Variants in ADAMTS16 observed in about 807,000 individuals in gnomAD.
The protein encoded by ADAMTS16 is ADAM metallopeptidase with thrombospondin type 1 motif 16, also known as A disintegrin and metalloproteinase with thrombospondin motifs 16.
A neutral mutation model predicts 145.8 loss-of-function variants in ADAMTS16; 94 were observed. The ratio of observed to expected loss-of-function variants is 0.64; its 90% CI spans 0.55 to 0.77. The LOEUF (loss-of-function observed/expected upper bound fraction) is 0.77. Among genes scored for constraint, ADAMTS16 ranks in the 30% least tolerant of loss-of-function variants. The probability of loss-of-function intolerance (pLI) is 0.00; values close to 1 mark genes in which losing one functional copy is unlikely to be tolerated. For missense variants in ADAMTS16, 1,585 were observed against 1,591.5 expected, an observed-to-expected ratio of 1.00 and a Z score of 0.07; for synonymous variants, 659 against 604.3, an observed-to-expected ratio of 1.09 and a Z score of -1.33.
At chr5:5,170,001 T>C (rs972789720) in intron 3 of ADAMTS16, among the ~76,000 whole-genome samples, 23 of 152,252 alleles carry the variant, frequency 1.5e-4, no homozygotes, top group Non-Finnish European at 3.1e-4. Context: ...CTTTTGAGAA[T>C]AGTGCTATAA....
At position 5,305,149 on chromosome 5, in the gene ADAMTS16, CCA is replaced by C. The variant is rs201600213; in HGVS notation, c.3187-1342_3187-1341del. On this transcript the variant is annotated intron_variant, in intron 20 of 22. Transcript: ENST00000274181. ...CCACACCACACACACACATCCCACA[CCA>C]CACACACACACATATCCCACACCAC... Among the ~76,000 whole-genome samples the C allele has an allele frequency of 3.1e-3, 197 of 63,536 alleles. 6 individuals carry two copies. The highest frequency in any genetic ancestry group is 5.6e-3 in the Non-Finnish European group (165 of 29,568). The allele number at this position is 63,536 out of a possible 152,430, so 41.7% of individuals were successfully genotyped here.
chr5:5,204,193 T>C lies in ADAMTS16; in HGVS notation c.1451+3924T>C, dbSNP rs962400125. ...GGCCTCAGTCTTCTTAACTGAAAAA[T>C]GATGGGATATAACTAAAAGATCTCT... On this transcript the variant is annotated intron_variant, in intron 9 of 22. Coordinates refer to ENST00000274181, the MANE Select transcript of ADAMTS16 (RefSeq NM_139056.4). 8.5e-5 allele frequency among the ~76,000 whole-genome samples: 13 copies of C among 152,198 alleles called. 1 individual carries two copies. The highest frequency in any genetic ancestry group is 4.1e-4 in the South Asian group (2 of 4,824).
chr5:5,188,142 A>G (rs764571489), intron 6 of ADAMTS16, among the ~76,000 whole-genome samples: 4 of 152,204 alleles, frequency 2.6e-5, no homozygotes, highest in Non-Finnish European at 4.4e-5. Context: ...AGCTTTCAGG[A>G]TGCCAGTGGG....
At chr5:5,250,396 A>G (rs1216729964) in intron 17 of ADAMTS16, among the ~76,000 whole-genome samples, 1 of 152,198 alleles carries the variant, frequency 6.6e-6, no homozygotes, top group Non-Finnish European at 1.5e-5. Context: ...TGGCCAGCCT[A>G]TGACCTCAGA....
intron 8 of ADAMTS16, among the ~76,000 whole-genome samples, chr5:5,193,310 CT>C (rs1366096373): frequency 6.6e-6 from 1 of 152,166 alleles, no homozygotes; most frequent in Non-Finnish European, 1.5e-5. Flanking sequence ...TTACTGATCC[CT>C]TCATCACCAC....
chr5:5,176,584 T>G (rs978609751), intron 3 of ADAMTS16, among the ~76,000 whole-genome samples: 3 of 152,288 alleles, frequency 2.0e-5, no homozygotes, highest in African/African-American at 4.8e-5. Context: ...CCCTTGAGGC[T>G]TCAGTGATGA....
At chr5:5,243,289 G>A (rs1737351325) in intron 17 of ADAMTS16, among the ~76,000 whole-genome samples, 1 of 152,176 alleles carries the variant, frequency 6.6e-6, no homozygotes, top group Non-Finnish European at 1.5e-5. Flanking sequence ...ACTGTCTTAG[G>A]AAAAACATGA....
chr5:5,246,814 T>C (rs986179405), intron 17 of ADAMTS16, among the ~76,000 whole-genome samples: 2 of 152,208 alleles, frequency 1.3e-5, no homozygotes, highest in Non-Finnish European at 2.9e-5. Flanking sequence ...GTTCGGAGTG[T>C]ATAAGGACAG....
At chr5:5,182,995 A>G (rs1483156863) in intron 4 of ADAMTS16, among the ~76,000 whole-genome samples, 3 of 152,030 alleles carry the variant, frequency 2.0e-5, no homozygotes, top group African/African-American at 7.2e-5. Context: ...GTTGGTTTCT[A>G]TGACTGCTTC....
At chr5:5,175,714 C>T (rs184264754) in intron 3 of ADAMTS16, among the ~76,000 whole-genome samples, 2 of 152,220 alleles carry the variant, frequency 1.3e-5, no homozygotes, top group East Asian at 1.9e-4. Flanking sequence ...TCCAGCTTGC[C>T]CTGGTCTGGT....
intron 18 of ADAMTS16, among the ~76,000 whole-genome samples, chr5:5,292,663 G>A (rs1314421646): frequency 6.6e-6 from 1 of 152,052 alleles, no homozygotes; most frequent in Non-Finnish European, 1.5e-5. Context: ...TGACCCTCCA[G>A]GACCTGCCAC....
intron 17 of ADAMTS16, among the ~76,000 whole-genome samples, chr5:5,253,346 C>CA (rs1737685131): frequency 6.6e-6 from 1 of 152,218 alleles, no homozygotes; most frequent in Admixed American, 6.5e-5. Context: ...TTCCAGGTTA[C>CA]AAGTAGATAC....
chr5:5,206,732 TC>T (rs1261576462), intron 9 of ADAMTS16, among the ~76,000 whole-genome samples: 2 of 152,090 alleles, frequency 1.3e-5, no homozygotes, highest in African/African-American at 2.4e-5. Context: ...TCCACCTTCC[TC>T]AGCCTCCCTA....
At chr5:5,164,189 C>T (rs1734807127) in intron 3 of ADAMTS16, among the ~76,000 whole-genome samples, 1 of 152,186 alleles carries the variant, frequency 6.6e-6, no homozygotes, top group Non-Finnish European at 1.5e-5. Context: ...CTGTTGTATG[C>T]CCGCAGCTGG....
chr5:5,234,189 T>A (rs1174899345), intron 12 of ADAMTS16, among the ~76,000 whole-genome samples: 2 of 152,230 alleles, frequency 1.3e-5, no homozygotes, highest in Non-Finnish European at 2.9e-5. Flanking sequence ...AGTGTGTACA[T>A]GCAAATTCTC....
intron 10 of ADAMTS16, among the ~76,000 whole-genome samples, chr5:5,215,894 A>G (rs368259284): frequency 0.16 from 21,453 of 132,330 alleles, 2,421 homozygotes; most frequent in Middle Eastern, 0.24. Context: ...ATATATATAT[A>G]TATATATATA....
intron 17 of ADAMTS16, among the ~76,000 whole-genome samples, chr5:5,252,083 T>C (rs1303330485): frequency 6.6e-6 from 1 of 152,142 alleles, no homozygotes; most frequent in Non-Finnish European, 1.5e-5. Context: ...TCTCCTGACT[T>C]CGTGATCCGC....
intron 7 of ADAMTS16, among the ~76,000 whole-genome samples, chr5:5,191,006 C>T (rs1456395036): frequency 2.0e-5 from 3 of 152,152 alleles, no homozygotes; most frequent in Non-Finnish European, 2.9e-5. Context: ...CAGAGAAAAC[C>T]CTGGACACTG....
intron 18 of ADAMTS16, among the ~76,000 whole-genome samples, chr5:5,285,001 T>C (rs1482488109): frequency 3.9e-5 from 6 of 152,234 alleles, no homozygotes; most frequent in Non-Finnish European, 8.8e-5. Flanking sequence ...AATAGTGCTT[T>C]TGTTTTGGTT....
Sources: gnomAD v4.1 joint callset for allele counts (sites outside exome capture counted in the v4.1 genomes callset) on GRCh38, gnomAD v4.1.1 for gene constraint, MANE v1.5 for transcripts, NCBI Gene and HGNC (gene_info 2026-07-23, HGNC 2026-07-21) for gene names.